PRELID2: variants seen among roughly 807,000 people sequenced by gnomAD.
The protein encoded by PRELID2 is PRELI domain containing 2.
Under a neutral mutation model 28.4 loss-of-function variants are expected in PRELID2, and 25 were observed. The ratio of observed to expected loss-of-function variants is 0.88; its 90% CI spans 0.64 to 1.23. The LOEUF (loss-of-function observed/expected upper bound fraction) is 1.23. Among genes scored for constraint, PRELID2 ranks in the 50% most tolerant of loss-of-function variants. PRELID2 has a pLI of 0.00. For synonymous variants in PRELID2, 76 were observed against 71.6 expected (o/e 1.06, Z -0.31); for missense variants, 201 against 214.4 (o/e 0.94, Z 0.39).
At chr5:145,293,831 T>C in the PRELID2 span, among the ~76,000 whole-genome samples, 1 of 152,284 alleles carries the variant, frequency 6.6e-6, no homozygotes, top group Admixed American at 6.5e-5. Context: ...GGGATTAATG[T>C]TAGCAGACAT....
chr5:145,773,830 G>A (rs973510278), intron 5 of PRELID2, among the ~76,000 whole-genome samples: 3 of 152,216 alleles, frequency 2.0e-5, no homozygotes, highest in South Asian at 2.1e-4. Flanking sequence ...CAGCATGCTT[G>A]TACATTTTAT....
the PRELID2 span, among the ~76,000 whole-genome samples, chr5:145,276,707 C>G: frequency 1.3e-5 from 2 of 151,996 alleles, no homozygotes; most frequent in East Asian, 3.9e-4. Context: ...TTGCTTTCTG[C>G]TATAGTACAT....
the PRELID2 span, among the ~76,000 whole-genome samples, chr5:145,418,815 G>C: frequency 6.6e-6 from 1 of 151,378 alleles, no homozygotes; most frequent in Admixed American, 6.6e-5. Flanking sequence ...TGCCATGCTG[G>C]TGCGCTGCAC....
chr5:145,261,568 G>T, the PRELID2 span, among the ~76,000 whole-genome samples: 1 of 152,168 alleles, frequency 6.6e-6, no homozygotes, highest in East Asian at 1.9e-4. Context: ...GCTCCACTGG[G>T]TAGCTAGATC....
intron 1 of PRELID2, among the ~76,000 whole-genome samples, chr5:145,717,673 T>C (rs1337806956): frequency 2.0e-5 from 3 of 150,866 alleles, no homozygotes; most frequent in Admixed American, 6.6e-5. Context: ...TATAATAAAT[T>C]AGATTTAAAA....
chr5:145,570,034 T>C (rs1753003389), intron 1 of PRELID2, among the ~76,000 whole-genome samples: 1 of 152,162 alleles, frequency 6.6e-6, no homozygotes, highest in South Asian at 2.1e-4. Context: ...ATCACATGCC[T>C]CTCTCCCAGC....
intron 4 of PRELID2, among the ~76,000 whole-genome samples, chr5:145,817,426 T>G (rs1754435320): frequency 7.5e-6 from 1 of 133,896 alleles, no homozygotes; most frequent in African/African-American, 2.7e-5. Flanking sequence ...TAGTTTTATA[T>G]ATATATATAT....
At chr5:145,551,576 A>G (rs1379857195) in intron 1 of PRELID2, among the ~76,000 whole-genome samples, 1 of 152,292 alleles carries the variant, frequency 6.6e-6, no homozygotes, top group East Asian at 1.9e-4. Flanking sequence ...AATTAAAAAA[A>G]TTTACCTTTG....
the PRELID2 span, among the ~76,000 whole-genome samples, chr5:145,372,589 A>G: frequency 5.3e-5 from 8 of 151,746 alleles, no homozygotes; most frequent in Non-Finnish European, 8.8e-5. Context: ...TGTTCCCTTT[A>G]CCATTGTGTA....
chr5:145,245,247 A>G, the PRELID2 span, among the ~76,000 whole-genome samples: 52 of 152,216 alleles, frequency 3.4e-4, 1 homozygote, highest in African/African-American at 1.2e-3. Context: ...ACAGTGCCCA[A>G]TAGTAAAAAC....
At chr5:145,403,175 G>A in the PRELID2 span, among the ~76,000 whole-genome samples, 15 of 152,256 alleles carry the variant, frequency 9.9e-5, no homozygotes, top group Non-Finnish European at 2.1e-4. Flanking sequence ...CTCTTCTAAG[G>A]TGGATCCAGA....
At chr5:145,590,064 A>G (rs1383046659) in intron 1 of PRELID2, among the ~76,000 whole-genome samples, 2 of 152,162 alleles carry the variant, frequency 1.3e-5, no homozygotes, top group East Asian at 3.9e-4. Flanking sequence ...CAGACCTCCA[A>G]ATTCCTACAT....
At chr5:145,503,853 C>T (rs1752381965) in intron 1 of PRELID2, among the ~76,000 whole-genome samples, 1 of 152,136 alleles carries the variant, frequency 6.6e-6, no homozygotes, top group South Asian at 2.1e-4. Context: ...CATAGGTTTA[C>T]CCTTTATCTT....
chr5:145,780,784 A>T (rs1751530401), intron 5 of PRELID2, among the ~76,000 whole-genome samples: 1 of 152,160 alleles, frequency 6.6e-6, no homozygotes, highest in South Asian at 2.1e-4. Flanking sequence ...AAAGCCCCTG[A>T]TTGAGGAAAT....
chr5:145,557,348 G>A (rs1235406483), intron 1 of PRELID2, among the ~76,000 whole-genome samples: 1 of 152,210 alleles, frequency 6.6e-6, no homozygotes, highest in Non-Finnish European at 1.5e-5. Context: ...GCTTGAGTTA[G>A]TTGGGACTTT....
chr5:145,576,391 C>A (rs72811538), intron 1 of PRELID2, among the ~76,000 whole-genome samples: 3,557 of 152,204 alleles, frequency 0.023, 65 homozygotes, highest in Non-Finnish European at 0.037. Context: ...TTGTGTCTGG[C>A]TTCCTTTGCT....
the PRELID2 span, among the ~76,000 whole-genome samples, chr5:145,298,057 T>C: frequency 6.6e-6 from 1 of 152,094 alleles, no homozygotes; most frequent in Non-Finnish European, 1.5e-5. Context: ...AGGTAATTTA[T>C]AGATTCAATG....
At chr5:145,793,471 C>A (rs1752528597) in intron 5 of PRELID2, among the ~76,000 whole-genome samples, 1 of 152,044 alleles carries the variant, frequency 6.6e-6, no homozygotes, top group South Asian at 2.1e-4. Flanking sequence ...ATCAGGAAGT[C>A]AGGCTGATAC....
the PRELID2 span, among the ~76,000 whole-genome samples, chr5:145,259,163 G>A: frequency 2.0e-5 from 3 of 152,210 alleles, no homozygotes; most frequent in Non-Finnish European, 4.4e-5. Context: ...AAAAATACTG[G>A]GTGCCCAGGC....
Sources: gnomAD v4.1 joint callset for allele counts (sites outside exome capture counted in the v4.1 genomes callset) on GRCh38, gnomAD v4.1.1 for gene constraint, MANE v1.5 for transcripts, NCBI Gene and HGNC (gene_info 2026-07-23, HGNC 2026-07-21) for gene names.